The following PIK3C3 variants were observed in gnomAD, a reference collection of about 807,000 sequenced individuals.
PIK3C3 encodes the protein phosphatidylinositol 3-kinase catalytic subunit type 3.
In PIK3C3, 95 loss-of-function variants were observed where a neutral mutation model predicts 126.1. The ratio of observed to expected loss-of-function variants is 0.75; its 90% CI spans 0.64 to 0.89. The LOEUF (loss-of-function observed/expected upper bound fraction) is 0.89, where lower values mean the gene tolerates loss of function less well. PIK3C3 is among the 40% of genes least tolerant of loss of function. PIK3C3 has a pLI of 0.00. For synonymous variants in PIK3C3, 374 were observed against 360.0 expected, an observed-to-expected ratio of 1.04 and a Z score of -0.44; for missense variants, 829 against 1,063.2, an observed-to-expected ratio of 0.78 and a Z score of 3.06.
chr18:42,027,249 C>T, intron 13 of PIK3C3, 194 bp from the exon 14 acceptor site: 1 of 302,282 alleles, frequency 3.3e-6, no homozygotes, highest in Non-Finnish European at 6.1e-6. Context: ...TCTTAGTTTA[C>T]CTTTTATTGA....
At chr18:41,993,204 A>G (rs1187308855) in intron 6 of PIK3C3, 66 bp from the exon 7 acceptor site, 2 of 869,160 alleles carry the variant, frequency 2.3e-6, no homozygotes, top group East Asian at 2.5e-5. Context: ...ATTGATGTGT[A>G]CATCATATAC....
intron 4 of PIK3C3, among the ~76,000 whole-genome samples, chr18:41,971,807 A>G (rs1403904972): frequency 6.6e-6 from 1 of 152,086 alleles, no homozygotes; most frequent in African/African-American, 2.4e-5. Flanking sequence ...TTTTAAGAGT[A>G]GCCATTATGA....
At chr18:42,011,294 G>GT (rs899950384) in intron 10 of PIK3C3, among the ~76,000 whole-genome samples, 1 of 152,154 alleles carries the variant, frequency 6.6e-6, no homozygotes, top group African/African-American at 2.4e-5. Flanking sequence ...AAACAAGGCT[G>GT]TTTCATCTGC....
At position 42,064,656 on chromosome 18, in the gene PIK3C3, A is replaced by G. The variant is rs1484020799; in HGVS notation, c.2433-84A>G. ...TAATCACTGTAGAAATCCAAGTACCACTACTTCTAAAGTATTCTTAATATG... is the reference window on the plus strand; with the variant it reads ...TAATCACTGTAGAAATCCAAGTACCGCTACTTCTAAAGTATTCTTAATATG... On this transcript the variant is annotated intron_variant, in intron 22 of 24. Coordinates refer to ENST00000262039, the MANE Select transcript of PIK3C3 (RefSeq NM_002647.4). 21 of 681,286 alleles carry G rather than the reference A, an allele frequency of 3.1e-5. No individual in the cohort carries two copies. The East Asian group carries it at 4.0e-4, about 13-fold the overall frequency. 42.2% of individuals were successfully genotyped at this position (681,286 alleles called of 1,614,324 possible). A position where few individuals can be genotyped will look rare whatever the true frequency, so the allele number is the denominator to read the frequency against.
At chr18:42,020,312 C>A (rs1299517600) in intron 12 of PIK3C3, among the ~76,000 whole-genome samples, 1 of 152,048 alleles carries the variant, frequency 6.6e-6, no homozygotes, top group African/African-American at 2.4e-5. Context: ...TTTGGTCTTG[C>A]CTGAATGTCA....
chr18:41,962,419 G>T, intron 2 of PIK3C3, 70 bp from the exon 3 acceptor site: 2 of 1,267,244 alleles, frequency 1.6e-6, no homozygotes, highest in Admixed American at 3.2e-5. Flanking sequence ...AACTTTTTGT[G>T]TGGTTTGTTA....
chr18:41,993,971 C>T (rs920330376), intron 7 of PIK3C3, among the ~76,000 whole-genome samples: 5 of 152,230 alleles, frequency 3.3e-5, no homozygotes, highest in East Asian at 1.9e-4. Context: ...TTTAGCAGCA[C>T]GATAGTTACC....
intron 17 of PIK3C3, among the ~76,000 whole-genome samples, chr18:42,038,430 C>T (rs759329114): frequency 1.3e-5 from 2 of 151,930 alleles, no homozygotes; most frequent in Non-Finnish European, 2.9e-5. Flanking sequence ...CAACCTCTGC[C>T]CCCTGGGTTC....
intron 4 of PIK3C3, among the ~76,000 whole-genome samples, chr18:41,978,731 G>A (rs1981052106): frequency 1.3e-5 from 2 of 152,100 alleles, no homozygotes; most frequent in African/African-American, 4.8e-5. Context: ...ATTTAGTTAA[G>A]TAGTAATTGA....
chr18:42,045,614 C>T (rs1158985554), intron 20 of PIK3C3, among the ~76,000 whole-genome samples: 1 of 152,158 alleles, frequency 6.6e-6, no homozygotes, highest in Non-Finnish European at 1.5e-5. Flanking sequence ...AAGGCCAGGG[C>T]TGGGAAGCTG....
intron 24 of PIK3C3, among the ~76,000 whole-genome samples, chr18:42,070,165 C>T (rs1209082202): frequency 6.6e-6 from 1 of 152,168 alleles, no homozygotes; most frequent in Non-Finnish European, 1.5e-5. Flanking sequence ...TGACTGATTT[C>T]CCCAAGAGGA....
intron 24 of PIK3C3, among the ~76,000 whole-genome samples, chr18:42,072,569 C>T (rs1309192301): frequency 2.6e-5 from 4 of 152,068 alleles, no homozygotes; most frequent in Non-Finnish European, 5.9e-5. Flanking sequence ...CTTGTTCTGT[C>T]GCCCCCCACT....
At chr18:41,987,965 A>G (rs999452377) in intron 5 of PIK3C3, 67 bp downstream of exon 5, 2 of 936,864 alleles carry the variant, frequency 2.1e-6, no homozygotes, top group East Asian at 5.5e-5. Flanking sequence ...ATTTTTTGAT[A>G]AGAATTATTA....
Position 42,037,838 on chromosome 18 carries a change from T to G in PIK3C3, c.1968+18T>G. The stretch of plus-strand genomic sequence containing the variant: ...TGGACAAGGTGAACATGACCTTATG[T>G]TGGTGGGGAACATTTTTTTCGTTTT... On this transcript the variant is annotated intron_variant, in intron 17 of 24. Coordinates refer to ENST00000262039, the MANE Select transcript of PIK3C3 (RefSeq NM_002647.4). 1 of 1,592,456 alleles carries G rather than the reference T, an allele frequency of 6.3e-7. No homozygotes were observed. The highest frequency in any genetic ancestry group is 8.6e-7 in the Non-Finnish European group (1 of 1,165,660).
chr18:42,037,776 C>A lies in PIK3C3; in HGVS notation c.1924C>A (p.Arg642Ser). Residue 642 changes from arginine (R) to serine (S), a missense_variant, in exon 17 of 25, where the codon CGT (arginine) becomes AGT (serine). Physicochemically the swap from Arg to Ser is moderately radical, Grantham distance 110. Around this residue, in one of 4 missense-constraint regions of PIK3C3, gnomAD observed 196 missense variants for 312.8 expected, o/e 0.63. Coordinates refer to ENST00000262039, the MANE Select transcript of PIK3C3 (RefSeq NM_002647.4). Reference protein sequence around the residue: ...PVIFKHGDDLRQDQLILQIIS... With the variant: ...PVIFKHGDDLSQDQLILQIIS... Reference sequence around the variant, plus strand: ...TATATTTAAGCATGGAGATGATTTACGTCAAGATCAACTTATTCTTCAAAT... The same window carrying A: ...TATATTTAAGCATGGAGATGATTTAAGTCAAGATCAACTTATTCTTCAAAT... The A allele has an allele frequency of 6.2e-7, 1 of 1,611,712 alleles. No homozygotes were observed. Among genetic ancestry groups the A allele is most frequent in the Non-Finnish European group, 8.5e-7 (1 of 1,178,246 alleles).
At chr18:41,972,080 C>T (rs1259122651) in intron 4 of PIK3C3, among the ~76,000 whole-genome samples, 3 of 152,032 alleles carry the variant, frequency 2.0e-5, no homozygotes, top group Non-Finnish European at 4.4e-5. Flanking sequence ...CCCAGTTGGA[C>T]TGCTGGTTTT....
At chr18:41,995,335 A>G (rs779098568) in intron 7 of PIK3C3, among the ~76,000 whole-genome samples, 18 of 152,174 alleles carry the variant, frequency 1.2e-4, no homozygotes, top group Non-Finnish European at 2.1e-4. Context: ...TCACACATGC[A>G]ATAAAAAATA....
At position 41,955,349 on chromosome 18, in the gene PIK3C3, C is replaced by T. The variant is rs1362862379; in HGVS notation, c.58C>T (p.Gln20Ter). 6.2e-6 allele frequency: 10 copies of T among 1,613,202 alleles called. No individual in the cohort carries two copies. The highest frequency in any genetic ancestry group is 8.5e-6 in the Non-Finnish European group (10 of 1,179,466). Residue 20 changes from glutamine to a stop codon, truncating the protein, a stop_gained, in exon 1 of 25, where the codon CAG becomes TAG. Transcript: ENST00000262039. LOFTEE classifies it high-confidence loss of function. ...IYSCDLDINV[Q>*]LKIGSLEGKR... ...TAGTTGTGACCTGGATATCAACGTC[C>T]AGCTTAAGATGTAAGAGAACACTCG...
At chr18:42,019,518 C>T (rs931337377) in intron 12 of PIK3C3, among the ~76,000 whole-genome samples, 1 of 152,090 alleles carries the variant, frequency 6.6e-6, no homozygotes. Flanking sequence ...ACTAACTCTT[C>T]TCATGGTTTA....
Sources: gnomAD v4.1 joint callset for allele counts (sites outside exome capture counted in the v4.1 genomes callset) on GRCh38, gnomAD v4.1.1 for gene constraint, gnomAD v4.1.1 regional missense constraint, MANE v1.5 for transcripts, NCBI Gene and HGNC (gene_info 2026-07-23, HGNC 2026-07-21) for gene names.